Variants in CBR4 observed in about 807,000 individuals in gnomAD.
CBR4 encodes the protein 3-oxoacyl-[acyl-carrier-protein] reductase.
In CBR4, 22 loss-of-function variants were observed where a neutral mutation model predicts 21.0. The observed-to-expected ratio is 1.05, with a 90% CI of 0.75 to 1.50. The LOEUF (loss-of-function observed/expected upper bound fraction) is 1.50. CBR4 is among the 40% of genes most tolerant of loss of function. The pLI is 0.00. For synonymous variants in CBR4, 100 were observed against 104.4 expected (o/e 0.96, Z 0.26); for missense variants, 302 against 286.3 (o/e 1.05, Z -0.40).
intron 3 of CBR4, among the ~76,000 whole-genome samples, chr4:169,002,683 G>GA (rs1730556301): frequency 1.3e-5 from 2 of 151,250 alleles, no homozygotes; most frequent in Admixed American, 1.3e-4. Context: ...CACTAAAATT[G>GA]AATTACATGC....
intron 2 of CBR4, among the ~76,000 whole-genome samples, chr4:168,924,749 G>A (rs1354468961): frequency 2.0e-5 from 3 of 152,212 alleles, no homozygotes; most frequent in African/African-American, 7.2e-5. Flanking sequence ...TAAGCACACA[G>A]ATGTATTCAA....
At chr4:168,920,407 G>C (rs184940507) in intron 2 of CBR4, among the ~76,000 whole-genome samples, 2 of 152,312 alleles carry the variant, frequency 1.3e-5, no homozygotes, top group African/African-American at 4.8e-5. Flanking sequence ...GAATTTGTGA[G>C]TCCTCTGGCT....
intron 3 of CBR4, among the ~76,000 whole-genome samples, chr4:169,004,236 T>A (rs749913545): frequency 6.6e-6 from 1 of 152,224 alleles, no homozygotes; most frequent in Non-Finnish European, 1.5e-5. Flanking sequence ...TAGCATTTTT[T>A]AGCAATAAAG....
chr4:168,937,763 C>T (rs1346203873), intron 2 of CBR4, among the ~76,000 whole-genome samples: 1 of 152,098 alleles, frequency 6.6e-6, no homozygotes, highest in African/African-American at 2.4e-5. Context: ...GAAGAGCTAA[C>T]TATCCTAAAT....
At chr4:168,997,245 T>A (rs531042010) in intron 4 of CBR4, among the ~76,000 whole-genome samples, 1 of 152,322 alleles carries the variant, frequency 6.6e-6, no homozygotes, top group South Asian at 2.1e-4. Context: ...AAGTTATCAC[T>A]TCTTAACTCG....
chr4:168,976,231 C>A (rs1231569884), intron 2 of CBR4, among the ~76,000 whole-genome samples: 2 of 152,250 alleles, frequency 1.3e-5, no homozygotes, highest in Admixed American at 1.3e-4. Flanking sequence ...GCCTTCCCTT[C>A]CCCAAGGACC....
intron 2 of CBR4, among the ~76,000 whole-genome samples, chr4:168,947,489 G>A (rs530734722): frequency 9.2e-5 from 14 of 152,090 alleles, no homozygotes; most frequent in African/African-American, 2.9e-4. Flanking sequence ...GCCATCACCC[G>A]AGCAGTACAC....
intron 2 of CBR4, among the ~76,000 whole-genome samples, chr4:168,900,421 T>C (rs1024838936): frequency 1.3e-5 from 2 of 151,836 alleles, no homozygotes; most frequent in Non-Finnish European, 2.9e-5. Flanking sequence ...GAAACTATAA[T>C]GAAAGAACAA....
chr4:168,954,560 T>C (rs1321105513), intron 2 of CBR4, among the ~76,000 whole-genome samples: 1 of 152,158 alleles, frequency 6.6e-6, no homozygotes, highest in African/African-American at 2.4e-5. Context: ...TCAACATGAG[T>C]TTTGGAGGGG....
chr4:168,922,102 TACACACA>T (rs1761681319), intron 2 of CBR4, among the ~76,000 whole-genome samples: 2 of 132,604 alleles, frequency 1.5e-5, no homozygotes, highest in Non-Finnish European at 3.1e-5. Flanking sequence ...TATATATATA[TACACACA>T]CACACACACA....
chr4:168,930,850 A>C (rs1762953564), intron 2 of CBR4, among the ~76,000 whole-genome samples: 1 of 152,178 alleles, frequency 6.6e-6, no homozygotes, highest in South Asian at 2.1e-4. Flanking sequence ...AGAATTCCAC[A>C]GTCCTCACAA....
chr4:168,958,689 G>A (rs1329665826), intron 2 of CBR4, among the ~76,000 whole-genome samples: 1 of 152,162 alleles, frequency 6.6e-6, no homozygotes, highest in Non-Finnish European at 1.5e-5. Context: ...CAAAGTTCTA[G>A]TTGCTCCATA....
chr4:168,975,718 G>A lies in CBR4; in HGVS notation n.169+26353C>T, dbSNP rs111874242. Reference sequence around the variant, plus strand: ...AGAAAAACCATCAGGTGGGGGCAGGGTTAGGCAGGTCTGAGCTCAGATTCT... The same window carrying A: ...AGAAAAACCATCAGGTGGGGGCAGGATTAGGCAGGTCTGAGCTCAGATTCT... On this transcript the variant is annotated intron_variant and non_coding_transcript_variant, in intron 2 of 3. Transcript: ENST00000509108. Among the ~76,000 whole-genome samples, 151 of 152,286 alleles carry A rather than the reference G, an allele frequency of 9.9e-4. 1 individual carries two copies. Among genetic ancestry groups the A allele is most frequent in the African/African-American group, 3.4e-3 (141 of 41,550 alleles).
chr4:168,939,340 C>A lies in CBR4; in HGVS notation n.170-44575G>T, dbSNP rs931819157. On this transcript the variant is annotated intron_variant and non_coding_transcript_variant, in intron 2 of 3. Coordinates refer to the CBR4 transcript ENST00000509108. ...TTTATGACAAACCCACAGCCAATATCATACTGAACGGGAAAAAGCTGGAAG... is the reference window on the plus strand; with the variant it reads ...TTTATGACAAACCCACAGCCAATATAATACTGAACGGGAAAAAGCTGGAAG... Among the ~76,000 whole-genome samples the A allele has an allele frequency of 2.6e-5, 4 of 152,120 alleles. No individual in the cohort carries two copies. In the South Asian group the frequency reaches 8.3e-4, roughly 31 times the overall value.
intron 4 of CBR4, 135 bp from the exon 5 acceptor site, chr4:168,990,463 G>A (rs1457121703): frequency 5.7e-6 from 4 of 699,414 alleles, no homozygotes; most frequent in Non-Finnish European, 8.6e-6. Context: ...TTGAGACAGG[G>A]TCTCACTCTG....
chr4:168,990,077 G>C lies in CBR4; in HGVS notation c.*73C>G. Reference sequence around the variant, plus strand: ...TTGATTAGCACATGTTACCCATGTAGGTATAATTGTCTAATCAGTAGCCAA... The same window carrying C: ...TTGATTAGCACATGTTACCCATGTACGTATAATTGTCTAATCAGTAGCCAA... On this transcript the variant is annotated 3_prime_UTR_variant, in exon 5 of 5. Transcript: ENST00000306193. The C allele has an allele frequency of 7.1e-7, 1 of 1,404,366 alleles. No individual in the cohort carries two copies. Among genetic ancestry groups the C allele is most frequent in the Non-Finnish European group, 9.3e-7 (1 of 1,071,320 alleles). The allele number at this position is 1,404,366 out of a possible 1,614,324, so 87.0% of individuals were successfully genotyped here. A position where few individuals can be genotyped will look rare whatever the true frequency, so the allele number is the denominator to read the frequency against.
At chr4:168,962,351 A>T (rs552378428) in intron 2 of CBR4, among the ~76,000 whole-genome samples, 8 of 152,346 alleles carry the variant, frequency 5.3e-5, no homozygotes, top group Non-Finnish European at 1.2e-4. Context: ...CTGCTGATAT[A>T]CTTTTCCAAG....
intron 2 of CBR4, among the ~76,000 whole-genome samples, chr4:168,967,483 T>A (rs1034091478): frequency 1.3e-5 from 2 of 152,206 alleles, no homozygotes; most frequent in African/African-American, 4.8e-5. Context: ...TGTGCACATG[T>A]ACCCTAGAAC....
chr4:168,976,821 T>C (rs377214953), intron 2 of CBR4, among the ~76,000 whole-genome samples: 1 of 152,206 alleles, frequency 6.6e-6, no homozygotes, highest in African/African-American at 2.4e-5. Flanking sequence ...TGGTGGAATG[T>C]CATCAGTTAA....
Sources: gnomAD v4.1 joint callset for allele counts (sites outside exome capture counted in the v4.1 genomes callset) on GRCh38, gnomAD v4.1.1 for gene constraint, MANE v1.5 for transcripts, NCBI Gene and HGNC (gene_info 2026-07-23, HGNC 2026-07-21) for gene names.